Variants in ZNF233 observed in about 807,000 individuals in gnomAD.
ZNF233 encodes the protein zinc finger protein 233.
A neutral mutation model predicts 11.6 loss-of-function variants in ZNF233; 7 were observed. That is an observed-to-expected ratio of 0.60 (90% CI 0.34 to 1.13). The LOEUF (loss-of-function observed/expected upper bound fraction) is 1.13, where lower values mean the gene tolerates loss of function less well. ZNF233 is among the 50% of genes most tolerant of loss of function. The pLI is 0.03. For missense variants in ZNF233, 711 were observed against 785.5 expected, an observed-to-expected ratio of 0.91 and a Z score of 1.13; for synonymous variants, 226 against 268.5, an observed-to-expected ratio of 0.84 and a Z score of 1.55.
Position 44,273,518 on chromosome 19 carries a change from T to C in ZNF233, c.858T>C (p.His286=). Residue 286 remains histidine, a synonymous_variant, in exon 5 of 5, where the codon CAT becomes CAC. Transcript: ENST00000683810. ...HQQLHLRDKP[H]VNVEYGKGIG... is the part of the protein sequence containing the mutation. ...AACTACACTTAAGAGACAAGCCTCA[T>C]GTAAATGTTGAGTACGGGAAGGGCA... 6.2e-7 allele frequency: 1 copy of C among 1,614,198 alleles called. No homozygotes were observed. Among genetic ancestry groups the C allele is most frequent in the Non-Finnish European group, 8.5e-7 (1 of 1,180,024 alleles).
rs564927549 is a variant in ZNF233, at chr19:44,259,947, G to A, written c.-48+9G>A. On this transcript the variant is annotated intron_variant, in intron 1 of 4. Transcript: ENST00000683810. ...TCTATCCCCTCTGGGAGGTGAGTCAGCGCGGAACCTCTGCATCTACGGCGA... is the reference window on the plus strand; with the variant it reads ...TCTATCCCCTCTGGGAGGTGAGTCAACGCGGAACCTCTGCATCTACGGCGA... The A allele has an allele frequency of 2.2e-6, 1 of 455,664 alleles. No homozygotes were observed. Among genetic ancestry groups the A allele is most frequent in the African/African-American group, 2.0e-5 (1 of 50,038 alleles). The allele number at this position is 455,664 out of a possible 1,614,324, so 28.2% of individuals were successfully genotyped here. A position where few individuals can be genotyped will look rare whatever the true frequency, so the allele number is the denominator to read the frequency against.
chr19:44,264,303 T>C lies in ZNF233; in HGVS notation c.-47-11T>C. ...GGGCCTGTTTCTCATGGCTTCTTTCTCTTTTCCCAGTTCTGCCTTCCCAGG... is the reference window on the plus strand; with the variant it reads ...GGGCCTGTTTCTCATGGCTTCTTTCCCTTTTCCCAGTTCTGCCTTCCCAGG... On this transcript the variant is annotated splice_polypyrimidine_tract_variant and intron_variant, in intron 1 of 4. Transcript: ENST00000683810. The C allele has an allele frequency of 6.3e-7, 1 of 1,586,508 alleles. No homozygotes were observed.
rs765304036 is a variant in ZNF233 at position 44,273,892 on chromosome 19, C to T, written c.1232C>T (p.Ser411Leu). 6.2e-6 allele frequency: 10 copies of T among 1,614,092 alleles called. No homozygotes were observed. The highest frequency in any genetic ancestry group is 5.5e-5 in the South Asian group (5 of 91,096). ...TATGATAAAGGCTTCAGTCAGACAT[C>T]ACAACTTCAAGCCCATCAGAGAGGT... ...DVYDKGFSQTSQLQAHQRGHS... is the reference protein window; with the variant it reads ...DVYDKGFSQTLQLQAHQRGHS... Residue 411 changes from serine (S) to leucine (L), a missense_variant, in exon 5 of 5, where the codon TCA (serine) becomes TTA (leucine). Coordinates refer to ENST00000683810, the MANE Select transcript of ZNF233 (RefSeq NM_001207005.2).
chr19:44,273,406 A>T lies in ZNF233; in HGVS notation c.746A>T (p.Gln249Leu). ...AAAGACTGTGTGAAGGAATCATCCCAGCATAGCATAATCCAATCAGGAGAG... is the reference window on the plus strand; with the variant it reads ...AAAGACTGTGTGAAGGAATCATCCCTGCATAGCATAATCCAATCAGGAGAG... ...CGKDCVKESS[Q>L]HSIIQSGEQT... Residue 249 changes from glutamine (Q) to leucine (L), a missense_variant, in exon 5 of 5, where the codon CAG (glutamine) becomes CTG (leucine). Transcript: ENST00000683810. The T allele has an allele frequency of 6.2e-7, 1 of 1,614,256 alleles. No individual in the cohort carries two copies. Among genetic ancestry groups the T allele is most frequent in the Non-Finnish European group, 8.5e-7 (1 of 1,180,048 alleles).
rs758032311 is a variant in ZNF233 at position 44,274,109 on chromosome 19, T to A, written c.1449T>A (p.Asp483Glu). ...IHTGEKPYKC[D>E]VCDKNFSRNS... ...CTGGAGAGAAACCCTACAAATGTGA[T>A]GTGTGTGATAAGAACTTCAGCCGTA... Residue 483 changes from aspartate (D) to glutamate (E), a missense_variant, in exon 5 of 5, where the codon GAT (aspartate) becomes GAA (glutamate). Transcript: ENST00000683810. 1.2e-6 allele frequency: 2 copies of A among 1,612,916 alleles called. No individual in the cohort carries two copies. Among genetic ancestry groups the A allele is most frequent in the Middle Eastern group, 3.3e-4 (2 of 6,058 alleles).
chr19:44,273,822 C>T lies in ZNF233; in HGVS notation c.1162C>T (p.His388Tyr), dbSNP rs1406110590. 1.2e-6 allele frequency: 2 copies of T among 1,614,158 alleles called. No homozygotes were observed. The highest frequency in any genetic ancestry group is 2.2e-5 in the South Asian group (2 of 91,080). ...CCATCATAGCTTAGATTTTGACATTCACTGTGTAGACAGTGCTGGAGAGAG... is the reference window on the plus strand; with the variant it reads ...CCATCATAGCTTAGATTTTGACATTTACTGTGTAGACAGTGCTGGAGAGAG... ...GFHHSLDFDI[H>Y]CVDSAGERAC... The change falls in exon 5 of 5, where the codon CAC (histidine) becomes TAC (tyrosine). Residue 388 changes from histidine to tyrosine, a missense_variant. Transcript: ENST00000683810.
At chr19:44,266,382 ATTAT>A in intron 3 of ZNF233, 58 bp downstream of exon 3, 1 of 1,431,280 alleles carries the variant, frequency 7.0e-7, no homozygotes. Context: ...CCTGCTTTCA[ATTAT>A]TTAAGACTTT....
chr19:44,261,178 C>T (rs1478457220), intron 1 of ZNF233, among the ~76,000 whole-genome samples: 1 of 152,172 alleles, frequency 6.6e-6, no homozygotes, highest in South Asian at 2.1e-4. Flanking sequence ...CAGTGACTCA[C>T]GCCTGTAATC....
chr19:44,273,364 G>A lies in ZNF233; in HGVS notation c.704G>A (p.Ser235Asn). The A allele has an allele frequency of 6.2e-7, 1 of 1,614,180 alleles. No homozygotes were observed. Among genetic ancestry groups the A allele is most frequent in the Non-Finnish European group, 8.5e-7 (1 of 1,180,024 alleles). The part of the protein sequence containing the change: ...HGVHKREKAF[S>N]HNNCGKDCVK... ...GTACACAAAAGAGAGAAAGCTTTTA[G>A]CCACAATAATTGTGGAAAAGACTGT... Residue 235 changes from serine to asparagine, a missense_variant, in exon 5 of 5, where the codon AGC (serine) becomes AAC (asparagine). Coordinates refer to ENST00000683810, the MANE Select transcript of ZNF233 (RefSeq NM_001207005.2).
intron 4 of ZNF233, among the ~76,000 whole-genome samples, chr19:44,271,032 T>G (rs1017383950): frequency 2.0e-5 from 3 of 152,268 alleles, no homozygotes; most frequent in Middle Eastern, 3.4e-3. Context: ...TATCAGAAAA[T>G]TCAGTCAAAC....
intron 2 of ZNF233, among the ~76,000 whole-genome samples, chr19:44,264,864 T>C (rs1348017151): frequency 1.3e-5 from 2 of 152,206 alleles, no homozygotes; most frequent in Non-Finnish European, 2.9e-5. Flanking sequence ...TTTCAGAGGC[T>C]ACAAAACAAA....
At chr19:44,272,729 C>T (rs527842394) in intron 4 of ZNF233, among the ~76,000 whole-genome samples, 170 bp from the exon 5 acceptor site, 90 of 151,822 alleles carry the variant, frequency 5.9e-4, no homozygotes, top group African/African-American at 2.1e-3. Context: ...AGCGAGACTC[C>T]GTCTCAAAAA....
At position 44,272,922 on chromosome 19, in the gene ZNF233, G is replaced by T; in HGVS notation, c.262G>T (p.Asp88Tyr). The change falls in exon 5 of 5, where the codon GAT becomes TAT. Residue 88 changes from aspartate (D) to tyrosine (Y), a missense_variant. Transcript: ENST00000683810. ...CSGHKNQNEI[D>Y]TLQEVRLRFL... ...AGGACACAAGAATCAAAATGAGATAGATACCCTTCAAGAAGTAAGATTAAG... is the reference window on the plus strand; with the variant it reads ...AGGACACAAGAATCAAAATGAGATATATACCCTTCAAGAAGTAAGATTAAG... The T allele has an allele frequency of 6.3e-7, 1 of 1,593,832 alleles. No individual in the cohort carries two copies.
chr19:44,270,358 A>C (rs1975205056), intron 4 of ZNF233, among the ~76,000 whole-genome samples: 2 of 150,466 alleles, frequency 1.3e-5, no homozygotes, highest in African/African-American at 4.9e-5. Flanking sequence ...AAAAAAAAAA[A>C]AAAAAAAAAA....
At position 44,266,956 on chromosome 19, in the gene ZNF233, G is replaced by C. The variant is rs373752739; in HGVS notation, c.233G>C (p.Cys78Ser). The change falls in exon 4 of 5, where the codon TGT becomes TCT. Residue 78 changes from cysteine to serine, a missense_variant. Transcript: ENST00000683810. ...MMETEIQGDG[C>S]SGHKNQNEID... ...GAGACAGAAATCCAAGGAGATGGGT[G>C]TTCAGGTGAGAACCATGGAGCTCTG... The C allele has an allele frequency of 3.1e-6, 5 of 1,612,796 alleles. No homozygotes were observed. The African/African-American group carries it at 4.0e-5, about 13-fold the overall frequency.
intron 4 of ZNF233, among the ~76,000 whole-genome samples, chr19:44,269,083 T>A (rs565866792): frequency 6.6e-6 from 1 of 152,218 alleles, no homozygotes; most frequent in Non-Finnish European, 1.5e-5. Context: ...GTTGACTGCA[T>A]TGCAATCAGG....
At chr19:44,262,018 G>A (rs34160371) in intron 1 of ZNF233, among the ~76,000 whole-genome samples, 1 of 152,120 alleles carries the variant, frequency 6.6e-6, no homozygotes, top group African/African-American at 2.4e-5. Flanking sequence ...TAAAAACGCA[G>A]AAGAAATTGA....
intron 1 of ZNF233, among the ~76,000 whole-genome samples, chr19:44,262,674 A>C (rs1021114824): frequency 1.3e-5 from 2 of 152,186 alleles, no homozygotes; most frequent in Non-Finnish European, 2.9e-5. Context: ...CACGAACAGG[A>C]GTAGCTATCT....
At position 44,274,642 on chromosome 19, in the gene ZNF233, C is replaced by A; in HGVS notation, c.1982C>A (p.Ser661Ter). ...TGTGGTAAGGGCTTTAGTAAGAGTT[C>A]GTTGTCTTCAGATTCATCAGAGAGT... Reference protein sequence around the residue: ...FVCGKGFSKSSLSSDSSESP With the variant: ...FVCGKGFSKS The change falls in exon 5 of 5, where the codon TCG (serine) becomes TAG (stop). Residue 661 changes from serine to a stop codon, truncating the protein, a stop_gained. Coordinates refer to ENST00000683810, the MANE Select transcript of ZNF233 (RefSeq NM_001207005.2). LOFTEE classifies it low-confidence loss of function (END_TRUNC). 1 of 1,607,118 alleles carries A rather than the reference C, an allele frequency of 6.2e-7. No homozygotes were observed. The highest frequency in any genetic ancestry group is 8.5e-7 in the Non-Finnish European group (1 of 1,175,702).
Sources: allele counts gnomAD v4.1 joint callset (sites outside exome capture counted in the v4.1 genomes callset), GRCh38; gene constraint gnomAD v4.1.1; transcripts MANE v1.5; gene names NCBI Gene and HGNC (gene_info 2026-07-23, HGNC 2026-07-21).